The following SHISA9 variants were observed in gnomAD, a reference collection of about 807,000 sequenced individuals.
The protein encoded by SHISA9 is shisa family member 9.
Under a neutral mutation model 38.0 loss-of-function variants are expected in SHISA9, and 13 were observed. The ratio of observed to expected loss-of-function variants is 0.34; its 90% CI spans 0.22 to 0.54. The LOEUF is 0.54. Ranked by LOEUF, SHISA9 falls within the 20% of genes least tolerant of loss-of-function variation. The pLI, the probability that SHISA9 is intolerant of heterozygous loss-of-function variation, is 0.91. For missense variants in SHISA9, 538 were observed against 575.8 expected, an observed-to-expected ratio of 0.93 and a Z score of 0.67; for synonymous variants, 275 against 242.0, an observed-to-expected ratio of 1.14 and a Z score of -1.27.
the SHISA9 span, among the ~76,000 whole-genome samples, chr16:13,267,936 A>T: frequency 2.6e-3 from 387 of 149,294 alleles, 1 homozygote; most frequent in African/African-American, 7.8e-3. Flanking sequence ...CATTTCTGTG[A>T]CGAATAGGAT....
At chr16:13,294,307 G>T in the SHISA9 span, among the ~76,000 whole-genome samples, 1 of 152,184 alleles carries the variant, frequency 6.6e-6, no homozygotes, top group Non-Finnish European at 1.5e-5. Flanking sequence ...GCACATCTCT[G>T]CTGGGTTTGT....
the SHISA9 span, among the ~76,000 whole-genome samples, chr16:13,348,485 C>A: frequency 6.6e-6 from 1 of 151,888 alleles, no homozygotes; most frequent in Non-Finnish European, 1.5e-5. Flanking sequence ...GGTGAGGAAT[C>A]TGAGAGGTAC....
chr16:13,549,381 A>T, the SHISA9 span, among the ~76,000 whole-genome samples: 1 of 152,202 alleles, frequency 6.6e-6, no homozygotes, highest in African/African-American at 2.4e-5. Context: ...TGATTTATTC[A>T]TTGCACAATG....
chr16:13,399,255 TA>T, the SHISA9 span, among the ~76,000 whole-genome samples: 4,287 of 143,258 alleles, frequency 0.03, 161 homozygotes, highest in African/African-American at 0.09. Context: ...CCATCTCAAT[TA>T]AAAAAAAAAA....
chr16:13,366,982 CAAA>C, the SHISA9 span, among the ~76,000 whole-genome samples: 14 of 92,490 alleles, frequency 1.5e-4, no homozygotes, highest in Admixed American at 3.4e-4. Context: ...GGCTCCATCT[CAAA>C]AAAAAAAAAA....
intron 2 of SHISA9, among the ~76,000 whole-genome samples, chr16:13,158,386 T>A (rs180788679): frequency 6.6e-6 from 1 of 152,300 alleles, no homozygotes; most frequent in Admixed American, 6.5e-5. Flanking sequence ...AATTTCTGGA[T>A]GTCTGAGAAA....
chr16:12,991,740 G>C (rs1735880445), intron 2 of SHISA9, among the ~76,000 whole-genome samples: 2 of 151,990 alleles, frequency 1.3e-5, no homozygotes, highest in Admixed American at 6.6e-5. Flanking sequence ...GAGTCGCAAG[G>C]GATCTTAGAT....
the SHISA9 span, among the ~76,000 whole-genome samples, chr16:13,540,998 A>G: frequency 6.6e-6 from 1 of 152,160 alleles, no homozygotes; most frequent in Non-Finnish European, 1.5e-5. Flanking sequence ...TGTGGCTTCT[A>G]AACAGACCTA....
chr16:13,018,077 C>G (rs1029801248), intron 2 of SHISA9, among the ~76,000 whole-genome samples: 1 of 152,242 alleles, frequency 6.6e-6, no homozygotes, highest in African/African-American at 2.4e-5. Flanking sequence ...GAGGAGCTAG[C>G]TCAGAGTGCT....
chr16:13,257,817 A>G, the SHISA9 span, among the ~76,000 whole-genome samples: 1 of 152,164 alleles, frequency 6.6e-6, no homozygotes, highest in South Asian at 2.1e-4. Flanking sequence ...ATGAAATCTG[A>G]AATCTGCTCA....
chr16:13,184,249 C>T (rs2050801098), intron 2 of SHISA9, among the ~76,000 whole-genome samples: 1 of 152,162 alleles, frequency 6.6e-6, no homozygotes, highest in African/African-American at 2.4e-5. Flanking sequence ...TAAACGTCCT[C>T]ACCTGCTTTT....
At chr16:13,526,006 G>A in the SHISA9 span, among the ~76,000 whole-genome samples, 2 of 152,332 alleles carry the variant, frequency 1.3e-5, no homozygotes, top group Middle Eastern at 3.4e-3. Context: ...TGCTCTTGAA[G>A]CTTGGCTGTA....
chr16:13,501,615 A>G, the SHISA9 span, among the ~76,000 whole-genome samples: 1 of 152,184 alleles, frequency 6.6e-6, no homozygotes, highest in Non-Finnish European at 1.5e-5. Flanking sequence ...CACATCAGTA[A>G]TCTTCATTAG....
chr16:13,311,987 A>G, the SHISA9 span, among the ~76,000 whole-genome samples: 2 of 152,368 alleles, frequency 1.3e-5, no homozygotes, highest in African/African-American at 2.4e-5. Flanking sequence ...AGAAAAGTGT[A>G]TGCCCAGTGG....
At chr16:13,154,956 T>A (rs1282174377) in intron 2 of SHISA9, among the ~76,000 whole-genome samples, 1 of 152,238 alleles carries the variant, frequency 6.6e-6, no homozygotes, top group African/African-American at 2.4e-5. Context: ...TCTCTAGACA[T>A]CACTCATGGT....
chr16:12,964,168 A>G (rs1425202179), intron 2 of SHISA9, among the ~76,000 whole-genome samples: 1 of 152,226 alleles, frequency 6.6e-6, no homozygotes, highest in Non-Finnish European at 1.5e-5. Flanking sequence ...GCTAAATTTG[A>G]AAAGGATTTA....
intron 2 of SHISA9, among the ~76,000 whole-genome samples, chr16:13,054,451 G>A (rs1465071576): frequency 1.3e-5 from 2 of 152,108 alleles, no homozygotes; most frequent in African/African-American, 2.4e-5. Context: ...TGAACTCCCC[G>A]ATATTTCTAG....
the SHISA9 span, among the ~76,000 whole-genome samples, chr16:13,367,033 T>G: frequency 6.7e-6 from 1 of 150,144 alleles, no homozygotes; most frequent in Non-Finnish European, 1.5e-5. Flanking sequence ...AAATCTGGGT[T>G]AATATATGTG....
chr16:12,960,284 ATTATT>A (rs1176733116), intron 2 of SHISA9, among the ~76,000 whole-genome samples: 1 of 152,178 alleles, frequency 6.6e-6, no homozygotes, highest in Non-Finnish European at 1.5e-5. Context: ...CATTTAAAAA[ATTATT>A]TTATTATTTT....
Sources: allele counts gnomAD v4.1 joint callset (sites outside exome capture counted in the v4.1 genomes callset), GRCh38; gene constraint gnomAD v4.1.1; transcripts MANE v1.5; gene names NCBI Gene and HGNC (gene_info 2026-07-23, HGNC 2026-07-21).